Variants in LRFN5 observed in about 807,000 individuals in gnomAD.
LRFN5 encodes leucine-rich repeat and fibronectin type-III domain-containing protein 5.
Under a neutral mutation model 45.6 loss-of-function variants are expected in LRFN5, and 24 were observed. The ratio of observed to expected loss-of-function variants is 0.53; its 90% confidence interval spans 0.38 to 0.74. The LOEUF is 0.74. Among genes scored for constraint, LRFN5 ranks in the 30% least tolerant of loss-of-function variants. The pLI is 0.00. For missense variants in LRFN5, 776 were observed against 861.5 expected (o/e 0.90, Z 1.24); for synonymous variants, 340 against 313.8 (o/e 1.08, Z -0.88).
At chr14:41,772,119 G>A (rs1342497815) in intron 2 of LRFN5, among the ~76,000 whole-genome samples, 1 of 152,070 alleles carries the variant, frequency 6.6e-6, no homozygotes, top group African/African-American at 2.4e-5. Flanking sequence ...AAGAGAGCGA[G>A]GGGGGAGATG....
At position 41,632,274 on chromosome 14, in the gene LRFN5, A is replaced by G. The variant is rs889013760; in HGVS notation, c.-197+23712A>G. 3.9e-5 allele frequency among the ~76,000 whole-genome samples: 6 copies of G among 152,124 alleles called. No homozygotes were observed. The East Asian group carries it at 9.6e-4, about 24-fold the overall frequency. On this transcript the variant is annotated intron_variant, in intron 1 of 5. Coordinates refer to ENST00000298119, the MANE Select transcript of LRFN5 (RefSeq NM_152447.5). ...TCTTTACTATGCTGTTACTTCCATC[A>G]TCCATATGTTAATCTCATAACGGCC...
At chr14:41,740,325 TA>T (rs1258893483) in intron 1 of LRFN5, among the ~76,000 whole-genome samples, 1 of 151,894 alleles carries the variant, frequency 6.6e-6, no homozygotes, top group Non-Finnish European at 1.5e-5. Context: ...CAGAAGCACA[TA>T]AAATATTTAT....
intron 2 of LRFN5, among the ~76,000 whole-genome samples, chr14:41,861,639 T>C (rs1336598240): frequency 6.6e-6 from 1 of 152,094 alleles, no homozygotes; most frequent in Non-Finnish European, 1.5e-5. Flanking sequence ...AATGCTTGCA[T>C]AGTAGTAGTG....
intron 1 of LRFN5, among the ~76,000 whole-genome samples, chr14:41,707,087 A>G (rs1301960569): frequency 4.6e-5 from 7 of 152,308 alleles, no homozygotes; most frequent in African/African-American, 1.2e-4. Context: ...CCTATATAGT[A>G]TTAACTGGAA....
At chr14:41,633,891 C>T (rs1888636147) in intron 1 of LRFN5, among the ~76,000 whole-genome samples, 1 of 151,970 alleles carries the variant, frequency 6.6e-6, no homozygotes, top group African/African-American at 2.4e-5. Flanking sequence ...TTATAGCAAT[C>T]CAAATAAAAG....
At chr14:41,748,515 G>T (rs1885010080) in intron 1 of LRFN5, among the ~76,000 whole-genome samples, 1 of 152,024 alleles carries the variant, frequency 6.6e-6, no homozygotes, top group Non-Finnish European at 1.5e-5. Flanking sequence ...TTCAGGTAGG[G>T]GATAATGGAG....
chr14:41,753,275 T>C lies in LRFN5; in HGVS notation c.-196-13579T>C, dbSNP rs199555738. Among the ~76,000 whole-genome samples, 1,455 of 151,802 alleles carry C rather than the reference T, an allele frequency of 9.6e-3. 8 individuals carry two copies. Among genetic ancestry groups the C allele is most frequent in the East Asian group, 0.014 (73 of 5,112 alleles). On this transcript the variant is annotated intron_variant, in intron 1 of 5. Transcript: ENST00000298119. The stretch of plus-strand genomic sequence containing the variant: ...CTCTTTTTTGGTTCCATATGAACTT[T>C]AAAGTTGTTTTCTCCAATTCTCTGA...
chr14:41,875,651 C>G (rs1890161187), intron 2 of LRFN5, among the ~76,000 whole-genome samples: 1 of 152,194 alleles, frequency 6.6e-6, no homozygotes, highest in African/African-American at 2.4e-5. Flanking sequence ...ATTTGGGTGA[C>G]TTCAGTCATG....
At chr14:41,772,532 C>A (rs1446519382) in intron 2 of LRFN5, among the ~76,000 whole-genome samples, 1 of 151,942 alleles carries the variant, frequency 6.6e-6, no homozygotes, top group African/African-American at 2.4e-5. Flanking sequence ...GCAAATTAGA[C>A]ATGCTATCTT....
intron 1 of LRFN5, among the ~76,000 whole-genome samples, chr14:41,646,759 G>A (rs936621023): frequency 1.6e-4 from 24 of 152,118 alleles, no homozygotes; most frequent in African/African-American, 5.8e-4. Flanking sequence ...GTACTAAGGG[G>A]ATCTCTTTCC....
intron 1 of LRFN5, among the ~76,000 whole-genome samples, chr14:41,733,957 G>T (rs1448745341): frequency 6.7e-6 from 1 of 148,342 alleles, no homozygotes; most frequent in African/African-American, 2.5e-5. Flanking sequence ...ATTAATATTT[G>T]CTTTATATAT....
intron 4 of LRFN5, chr14:41,895,064 A>G: frequency 2.0e-6 from 2 of 984,380 alleles, no homozygotes; most frequent in Non-Finnish European, 2.4e-6. Flanking sequence ...AACAAACAAA[A>G]TAATGTGTTT....
chr14:41,893,194 A>G, intron 4 of LRFN5: 1 of 979,980 alleles, frequency 1.0e-6, no homozygotes, highest in Non-Finnish European at 1.2e-6. Context: ...TAGTGAGAAT[A>G]CATAATTTTT....
intron 1 of LRFN5, among the ~76,000 whole-genome samples, chr14:41,690,110 C>T (rs1387362395): frequency 6.6e-6 from 1 of 151,904 alleles, no homozygotes; most frequent in Non-Finnish European, 1.5e-5. Flanking sequence ...AATACAGATG[C>T]CAAAACCTTG....
intron 2 of LRFN5, among the ~76,000 whole-genome samples, chr14:41,767,253 T>A (rs1885919015): frequency 6.7e-6 from 1 of 149,806 alleles, no homozygotes; most frequent in African/African-American, 2.5e-5. Flanking sequence ...ATTTTCTGAT[T>A]TTTTTTTTTA....
At chr14:41,731,165 T>C (rs1840702253) in intron 1 of LRFN5, among the ~76,000 whole-genome samples, 1 of 152,260 alleles carries the variant, frequency 6.6e-6, no homozygotes, top group South Asian at 2.1e-4. Context: ...ACACACCAAC[T>C]GTAGGTCTTC....
chr14:41,635,444 A>G (rs1326733088), intron 1 of LRFN5, among the ~76,000 whole-genome samples: 1 of 152,182 alleles, frequency 6.6e-6, no homozygotes, highest in Non-Finnish European at 1.5e-5. Flanking sequence ...TTTAAAAGTT[A>G]ATACATGTAG....
At chr14:41,787,073 A>G (rs1278714212) in intron 2 of LRFN5, among the ~76,000 whole-genome samples, 1 of 152,008 alleles carries the variant, frequency 6.6e-6, no homozygotes, top group East Asian at 1.9e-4. Flanking sequence ...AAGCTATTTT[A>G]ATATCTTTGT....
chr14:41,628,399 G>A (rs922744832), intron 1 of LRFN5, among the ~76,000 whole-genome samples: 4 of 152,030 alleles, frequency 2.6e-5, no homozygotes, highest in African/African-American at 9.7e-5. Context: ...AAGAGTGGTA[G>A]GATCTAAAGA....
Sources: allele counts gnomAD v4.1 joint callset (sites outside exome capture counted in the v4.1 genomes callset), GRCh38; gene constraint gnomAD v4.1.1; transcripts MANE v1.5; gene names NCBI Gene and HGNC (gene_info 2026-07-23, HGNC 2026-07-21).